SCGB2B2: variants seen among roughly 807,000 people sequenced by gnomAD.
SCGB2B2 encodes secretoglobin family 2B member 2.
Under a neutral mutation model 7.6 loss-of-function variants are expected in SCGB2B2, and 11 were observed. The ratio of observed to expected loss-of-function variants is 1.45; its 90% confidence interval spans 0.91 to 2.40. The LOEUF (loss-of-function observed/expected upper bound fraction) is 2.40, where lower values mean the gene tolerates loss of function less well. Ranked by LOEUF, SCGB2B2 falls within the 30% of genes most tolerant of loss-of-function variation. The pLI is 0.00. For synonymous variants in SCGB2B2, 50 were observed against 48.6 expected (o/e 1.03, Z -0.12); for missense variants, 104 against 115.4 (o/e 0.90, Z 0.45).
chr19:34,658,622 CA>C (rs1312327808), intron 1 of SCGB2B2, among the ~76,000 whole-genome samples: 2 of 151,564 alleles, frequency 1.3e-5, no homozygotes, highest in Admixed American at 6.6e-5. Context: ...GTCTGCCAAC[CA>C]AAAAAAGTCC....
At chr19:34,647,677 A>G (rs535012082) in intron 1 of SCGB2B2, among the ~76,000 whole-genome samples, 1 of 152,304 alleles carries the variant, frequency 6.6e-6, no homozygotes, top group East Asian at 1.9e-4. Flanking sequence ...GCCTTTTCCC[A>G]GAGCCGGACA....
intron 3 of SCGB2B2, 145 bp downstream of exon 3, chr19:34,594,030 T>G (rs948090617): frequency 3.3e-5 from 22 of 660,948 alleles, no homozygotes; most frequent in South Asian, 1.9e-5. Flanking sequence ...TTGGGGCAGG[T>G]GGGGAACTTC....
chr19:34,614,380 C>T (rs148552493), intron 1 of SCGB2B2, among the ~76,000 whole-genome samples: 434 of 152,016 alleles, frequency 2.9e-3, no homozygotes, highest in African/African-American at 9.5e-3. Context: ...TTCTTCTGCT[C>T]GATCAAGTCT....
At chr19:34,654,078 T>A (rs936745961) in intron 1 of SCGB2B2, among the ~76,000 whole-genome samples, 1 of 151,242 alleles carries the variant, frequency 6.6e-6, no homozygotes, top group African/African-American at 2.5e-5. Context: ...TTATTTTGAT[T>A]ATTATGGTAG....
intron 1 of SCGB2B2, among the ~76,000 whole-genome samples, chr19:34,664,268 G>A (rs527347070): frequency 2.6e-5 from 4 of 152,336 alleles, no homozygotes; most frequent in East Asian, 1.9e-4. Context: ...GGCTCAATAA[G>A]CAGAGGCCAT....
intron 1 of SCGB2B2, among the ~76,000 whole-genome samples, chr19:34,618,019 T>C (rs867219213): frequency 5.9e-4 from 90 of 152,330 alleles, no homozygotes; most frequent in African/African-American, 2.1e-3. Context: ...CCCACTGACC[T>C]GTGCCCACTG....
intron 1 of SCGB2B2, among the ~76,000 whole-genome samples, chr19:34,623,839 A>C (rs1182380295): frequency 1.3e-5 from 2 of 152,210 alleles, no homozygotes; most frequent in Non-Finnish European, 2.9e-5. Context: ...TGTTTAGGAC[A>C]GGTGCCTCAA....
At chr19:34,600,228 G>C (rs769133644) in intron 1 of SCGB2B2, among the ~76,000 whole-genome samples, 3 of 152,136 alleles carry the variant, frequency 2.0e-5, no homozygotes, top group Non-Finnish European at 4.4e-5. Context: ...ATCGTAATGT[G>C]TCTGTTCTCC....
Position 34,630,699 on chromosome 19 carries a change from G to A in SCGB2B2, c.-2031-34105C>T, listed in dbSNP as rs375521439. On this transcript the variant is annotated intron_variant, in intron 1 of 3. Coordinates refer to ENST00000601241, the MANE Select transcript of SCGB2B2 (RefSeq NM_001025591.4). ...AACTAGTTCAACCATTGTGGAAGTC[G>A]GTGTGGCGATTCCTCAGGGATCTAG... is the stretch of plus-strand genomic sequence containing the variant. Among the ~76,000 whole-genome samples, 1,020 of 150,496 alleles carry A rather than the reference G, an allele frequency of 6.8e-3. 14 individuals carry two copies. Among genetic ancestry groups the A allele is most frequent in the Non-Finnish European group, 9.7e-3 (651 of 66,920 alleles).
At chr19:34,614,847 G>T (rs950049328) in intron 1 of SCGB2B2, among the ~76,000 whole-genome samples, 5 of 152,192 alleles carry the variant, frequency 3.3e-5, no homozygotes, top group Admixed American at 3.3e-4. Flanking sequence ...TAGTGGTATG[G>T]TCTACATGTA....
At chr19:34,639,378 G>A (rs973618448) in intron 1 of SCGB2B2, among the ~76,000 whole-genome samples, 11 of 152,126 alleles carry the variant, frequency 7.2e-5, no homozygotes, top group African/African-American at 2.4e-4. Flanking sequence ...TTTCCAATTA[G>A]TAACCTAATC....
rs187998778 is a variant in SCGB2B2 at position 34,596,854 on chromosome 19, C to T, written c.-2031-260G>A. ...AATAGAGGACCTGGGAGCAGAGGGC[C>T]GCCCTCCCTCCATCTTCCTTCCCTC... On this transcript the variant is annotated intron_variant, in intron 1 of 3. Transcript: ENST00000601241. Among the ~76,000 whole-genome samples the T allele has an allele frequency of 2.7e-3, 413 of 151,980 alleles. 1 individual carries two copies. Among genetic ancestry groups the T allele is most frequent in the Non-Finnish European group, 5.1e-3 (348 of 67,908 alleles).
rs1295664838 is a variant in SCGB2B2 at position 34,676,901 on chromosome 19, T to A, written c.-3303A>T. On this transcript the variant is annotated 5_prime_UTR_variant, in exon 1 of 4. Transcript: ENST00000601241. ...TTTGGGTGGGCCTAAGAAGCACTTC[T>A]GGGGAGAGGGGGCGTCAGGCTGTGA... 6.6e-6 allele frequency: 1 copy of A among 152,052 alleles called. No individual in the cohort carries two copies. The highest frequency in any genetic ancestry group is 1.5e-5 in the Non-Finnish European group (1 of 68,018). The allele number at this position is 152,052 out of a possible 1,614,324, so 9.4% of individuals were successfully genotyped here.
Position 34,592,731 on chromosome 19 carries a change from C to T in SCGB2B2, c.*824G>A, listed in dbSNP as rs920057375. On this transcript the variant is annotated 3_prime_UTR_variant, in exon 4 of 4. Transcript: ENST00000601241. ...TGAGGGTGGCACTCGTTCCCTGTGA[C>T]CTCAATGTCAATGTCCCCTGTCATG... is the stretch of plus-strand genomic sequence containing the variant. Among the ~76,000 whole-genome samples, 10 of 152,158 alleles carry T rather than the reference C, an allele frequency of 6.6e-5. No homozygotes were observed. Among genetic ancestry groups the T allele is most frequent in the African/African-American group, 1.9e-4 (8 of 41,426 alleles).
intron 1 of SCGB2B2, among the ~76,000 whole-genome samples, chr19:34,618,010 C>T (rs1416355744): frequency 2.0e-5 from 3 of 152,212 alleles, no homozygotes; most frequent in Non-Finnish European, 4.4e-5. Context: ...GTGCGTGCAC[C>T]CACTGACCTG....
chr19:34,668,058 T>A (rs1372713408), intron 1 of SCGB2B2, among the ~76,000 whole-genome samples: 1 of 152,220 alleles, frequency 6.6e-6, no homozygotes, highest in Non-Finnish European at 1.5e-5. Context: ...TCGCTCTCTC[T>A]CGGCGCCTCC....
intron 1 of SCGB2B2, among the ~76,000 whole-genome samples, chr19:34,669,340 A>G (rs1306590264): frequency 6.6e-6 from 1 of 152,138 alleles, no homozygotes. Context: ...CTAAATTACA[A>G]TTTACTAATT....
At chr19:34,638,499 C>A (rs1417914562) in intron 1 of SCGB2B2, among the ~76,000 whole-genome samples, 3 of 149,750 alleles carry the variant, frequency 2.0e-5, no homozygotes, top group African/African-American at 4.9e-5. Context: ...ACAATGACAA[C>A]AACAAAAACA....
At chr19:34,593,645 G>A (rs1316887284) in intron 3 of SCGB2B2, 46 bp from the exon 4 acceptor site, 11 of 1,501,048 alleles carry the variant, frequency 7.3e-6, no homozygotes, top group African/African-American at 1.4e-5. Context: ...CTCTGTGAAA[G>A]GCTCCCCAGA....
Sources: allele counts gnomAD v4.1 joint callset (sites outside exome capture counted in the v4.1 genomes callset), GRCh38; gene constraint gnomAD v4.1.1; transcripts MANE v1.5; gene names NCBI Gene and HGNC (gene_info 2026-07-23, HGNC 2026-07-21).